KLF17: variants seen among roughly 807,000 people sequenced by gnomAD.
KLF17 encodes the protein Krueppel-like factor 17.
In KLF17, 31 loss-of-function variants were observed where a neutral mutation model predicts 34.2. That is an observed-to-expected ratio of 0.91 (90% CI 0.68 to 1.22). The LOEUF is 1.22. Among genes scored for constraint, KLF17 ranks in the 50% most tolerant of loss-of-function variants. The probability of loss-of-function intolerance (pLI) is 0.00; values close to 1 mark genes in which losing one functional copy is unlikely to be tolerated. For missense variants in KLF17, 478 were observed against 505.2 expected (o/e 0.95, Z 0.52); for synonymous variants, 179 against 186.7 (o/e 0.96, Z 0.34).
At chr1:44,099,361 G>A in the KLF17 span, among the ~76,000 whole-genome samples, 1 of 152,114 alleles carries the variant, frequency 6.6e-6, no homozygotes, top group African/African-American at 2.4e-5. Context: ...CTGTGATCAT[G>A]CTGCTACACT....
At chr1:44,099,823 AAAG>A in the KLF17 span, among the ~76,000 whole-genome samples, 2 of 127,538 alleles carry the variant, frequency 1.6e-5, no homozygotes, top group East Asian at 4.5e-4. Flanking sequence ...TCAGAAAGAA[AAAG>A]AAGAAAGAAA....
the KLF17 span, among the ~76,000 whole-genome samples, chr1:44,084,764 T>C: frequency 6.6e-6 from 1 of 151,174 alleles, no homozygotes; most frequent in Non-Finnish European, 1.5e-5. Flanking sequence ...TAGAACACAT[T>C]TTCTCTGTGT....
At chr1:44,130,366 G>A in intron 2 of KLF17, 146 bp from the exon 3 acceptor site, 1 of 1,367,916 alleles carries the variant, frequency 7.3e-7, no homozygotes. Flanking sequence ...AAGATGACTG[G>A]GGCGGGCACT....
chr1:44,074,562 A>G, the KLF17 span, among the ~76,000 whole-genome samples: 2 of 152,222 alleles, frequency 1.3e-5, no homozygotes, highest in Non-Finnish European at 2.9e-5. Flanking sequence ...CATAGTTAAT[A>G]TAAGCAACTG....
chr1:44,068,382 C>T, the KLF17 span, among the ~76,000 whole-genome samples: 181 of 152,278 alleles, frequency 1.2e-3, 3 homozygotes, highest in East Asian at 0.022. Context: ...CCCCTCTTTA[C>T]GGGAAAAGTC....
chr1:44,093,684 C>A, the KLF17 span, among the ~76,000 whole-genome samples: 3 of 152,066 alleles, frequency 2.0e-5, no homozygotes, highest in Admixed American at 6.6e-5. Flanking sequence ...TGTGAGCCAC[C>A]GCACTCATCT....
the KLF17 span, among the ~76,000 whole-genome samples, chr1:44,063,239 T>C: frequency 6.6e-6 from 1 of 152,192 alleles, no homozygotes; most frequent in Non-Finnish European, 1.5e-5. Context: ...AAGGGAGTGG[T>C]ATTAACTTGC....
the KLF17 span, among the ~76,000 whole-genome samples, chr1:44,062,824 T>G: frequency 1.2e-4 from 19 of 152,256 alleles, 1 homozygote; most frequent in South Asian, 3.9e-3. Flanking sequence ...TTTGGAAAAC[T>G]TTGGCAGTGT....
the KLF17 span, chr1:44,088,107 TTTTATTTATTTA>T: frequency 5.5e-6 from 1 of 182,524 alleles, no homozygotes; most frequent in Non-Finnish European, 1.1e-5. Context: ...GCACTCTTAT[TTTTATTTATTTA>T]TTTATTTATT....
chr1:44,100,606 C>T, the KLF17 span, among the ~76,000 whole-genome samples: 1 of 151,734 alleles, frequency 6.6e-6, no homozygotes, highest in African/African-American at 2.4e-5. Context: ...TGTGAGCCAC[C>T]GCACTTGGCT....
chr1:44,091,435 C>T, the KLF17 span, among the ~76,000 whole-genome samples: 8,694 of 151,932 alleles, frequency 0.057, 303 homozygotes, highest in Middle Eastern at 0.095. Flanking sequence ...GCAGGTGGAT[C>T]ATTTGAGGTC....
At chr1:44,082,939 C>CTT in the KLF17 span, among the ~76,000 whole-genome samples, 21 of 129,626 alleles carry the variant, frequency 1.6e-4, no homozygotes, top group East Asian at 4.5e-4. Context: ...TGTCTTTAAA[C>CTT]TTTTTTTTTT....
the KLF17 span, among the ~76,000 whole-genome samples, chr1:44,053,103 G>A: frequency 1.3e-5 from 2 of 152,100 alleles, no homozygotes; most frequent in Non-Finnish European, 2.9e-5. Flanking sequence ...GTTTCACCAT[G>A]TTGGCCAGGC....
the KLF17 span, chr1:44,103,881 T>C: frequency 1.3e-6 from 1 of 789,594 alleles, no homozygotes; most frequent in East Asian, 2.4e-5. Flanking sequence ...ATGCTGCACG[T>C]CATCCCAGTG....
the KLF17 span, among the ~76,000 whole-genome samples, chr1:44,085,686 C>T: frequency 2.0e-4 from 31 of 151,678 alleles, no homozygotes; most frequent in Admixed American, 6.6e-5. Context: ...TGCTTGTAGT[C>T]CCAGCTATTC....
chr1:44,079,856 G>A, the KLF17 span, among the ~76,000 whole-genome samples: 1 of 151,788 alleles, frequency 6.6e-6, no homozygotes, highest in Non-Finnish European at 1.5e-5. Flanking sequence ...ATCCATATAT[G>A]CTTGGGTCCA....
chr1:44,093,551 C>T, the KLF17 span, among the ~76,000 whole-genome samples: 1 of 152,162 alleles, frequency 6.6e-6, no homozygotes, highest in Non-Finnish European at 1.5e-5. Flanking sequence ...TTTGCCACCA[C>T]ATCCAGCTAA....
chr1:44,130,670 C>G lies in KLF17; in HGVS notation c.1084C>G (p.Gln362Glu). The change falls in exon 3 of 4, where the codon CAG becomes GAG. Residue 362 changes from glutamine to glutamate, a missense_variant. Coordinates refer to ENST00000372299, the MANE Select transcript of KLF17 (RefSeq NM_173484.4). ...FMRSDHLKQH[Q>E]KTHRPGPSDP... ...GAGGTCTGACCATCTCAAGCAACAC[C>G]AGAAGACTCATCGGCCGGGACCCTC... The G allele has an allele frequency of 6.2e-7, 1 of 1,614,074 alleles. No homozygotes were observed. Among genetic ancestry groups the G allele is most frequent in the Non-Finnish European group, 8.5e-7 (1 of 1,179,988 alleles).
At chr1:44,089,041 A>G in the KLF17 span, among the ~76,000 whole-genome samples, 1 of 152,182 alleles carries the variant, frequency 6.6e-6, no homozygotes, top group Non-Finnish European at 1.5e-5. Flanking sequence ...GAATTATCAC[A>G]TGAATGGTGC....
Sources: gnomAD v4.1 joint callset for allele counts (sites outside exome capture counted in the v4.1 genomes callset) on GRCh38, gnomAD v4.1.1 for gene constraint, MANE v1.5 for transcripts, NCBI Gene and HGNC (gene_info 2026-07-23, HGNC 2026-07-21) for gene names.